DTD1: variants seen among roughly 807,000 people sequenced by gnomAD.
The protein encoded by DTD1 is D-aminoacyl-tRNA deacylase 1, also known as D-tyrosyl-tRNA deacylase 1 homolog.
DTD1 carries 13 observed loss-of-function variants against 25.6 expected under a neutral mutation model. That is an observed-to-expected ratio of 0.51 (90% CI 0.33 to 0.81). DTD1 has a LOEUF of 0.81. Among genes scored for constraint, DTD1 ranks in the 30% least tolerant of loss-of-function variants. The pLI is 0.02. For synonymous variants in DTD1, 110 were observed against 103.6 expected, an observed-to-expected ratio of 1.06 and a Z score of -0.37; for missense variants, 193 against 266.4, an observed-to-expected ratio of 0.72 and a Z score of 1.92.
At chr20:18,640,107 G>A (rs1251961923) in intron 4 of DTD1, among the ~76,000 whole-genome samples, 1 of 146,204 alleles carries the variant, frequency 6.8e-6, no homozygotes, top group Non-Finnish European at 1.5e-5. Context: ...ATTTTCTCTT[G>A]GGAAGAGTCT....
intron 4 of DTD1, among the ~76,000 whole-genome samples, chr20:18,712,641 A>G (rs1423365229): frequency 2.0e-5 from 3 of 152,184 alleles, no homozygotes; most frequent in South Asian, 2.1e-4. Flanking sequence ...AGGCTTTTCA[A>G]TAAAGTAGCA....
intron 4 of DTD1, among the ~76,000 whole-genome samples, chr20:18,634,168 A>G (rs1035920692): frequency 2.6e-5 from 4 of 152,178 alleles, no homozygotes; most frequent in Admixed American, 2.6e-4. Flanking sequence ...GTGGCTAGAT[A>G]TTGGGAGATT....
At chr20:18,722,474 T>C (rs1298376366) in intron 4 of DTD1, among the ~76,000 whole-genome samples, 2 of 152,270 alleles carry the variant, frequency 1.3e-5, no homozygotes, top group East Asian at 3.8e-4. Flanking sequence ...TGTTCACATT[T>C]ATTAAGATAC....
rs34962546 is a variant in DTD1 at position 18,692,890 on chromosome 20, A to ATTTTT, written c.478-51193_478-51189dup. On this transcript the variant is annotated intron_variant, in intron 4 of 5. Coordinates refer to ENST00000377452, the MANE Select transcript of DTD1 (RefSeq NM_080820.6). ...GACATTTTCTAGAAACAGGACATGG[A>ATTTTT]TTTTTTTTTTTTTTTTTTTTTGAGA... Among the ~76,000 whole-genome samples the ATTTTT allele has an allele frequency of 4.4e-4, 50 of 112,454 alleles. 3 individuals carry two copies. Among genetic ancestry groups the ATTTTT allele is most frequent in the African/African-American group, 1.0e-3 (29 of 27,756 alleles). The allele number at this position is 112,454 out of a possible 152,430, so 73.8% of individuals were successfully genotyped here. A position where few individuals can be genotyped will look rare whatever the true frequency, so the allele number is the denominator to read the frequency against.
At chr20:18,628,099 T>A (rs375449236) in intron 3 of DTD1, 28 bp from the exon 4 acceptor site, 78 of 1,595,896 alleles carry the variant, frequency 4.9e-5, no homozygotes, top group Non-Finnish European at 6.2e-5. Flanking sequence ...GTCTCCATCT[T>A]TGGTAACTGT....
rs1568676532 is a variant in DTD1 at position 18,708,206 on chromosome 20, TTTTATATATATAATA to T, written c.478-35892_478-35878del. 9.6e-5 allele frequency among the ~76,000 whole-genome samples: 4 copies of T among 41,848 alleles called. 1 individual carries two copies. The highest frequency in any genetic ancestry group is 1.6e-4 in the Non-Finnish European group (4 of 24,294). The allele number at this position is 41,848 out of a possible 152,430, so 27.5% of individuals were successfully genotyped here. A position where few individuals can be genotyped will look rare whatever the true frequency, so the allele number is the denominator to read the frequency against. ...ATTTTATATATATATTATATATATA[TTTTATATATATAATA>T]TATATATATTTTATATATATATAAT... is the stretch of plus-strand genomic sequence containing the variant. On this transcript the variant is annotated intron_variant, in intron 4 of 5. Transcript: ENST00000377452.
At chr20:18,724,679 T>C (rs1436970928) in intron 4 of DTD1, among the ~76,000 whole-genome samples, 1 of 152,244 alleles carries the variant, frequency 6.6e-6, no homozygotes, top group Admixed American at 6.5e-5. Flanking sequence ...GAATCTGTAG[T>C]GGGCACTAAA....
intron 4 of DTD1, among the ~76,000 whole-genome samples, chr20:18,667,132 C>A (rs1233150856): frequency 6.6e-6 from 1 of 152,100 alleles, no homozygotes; most frequent in Non-Finnish European, 1.5e-5. Context: ...GTGGGGATGC[C>A]AAAGGGATCT....
chr20:18,596,333 G>T (rs2060611539), intron 3 of DTD1, 92 bp downstream of exon 3: 1 of 1,083,180 alleles, frequency 9.2e-7, no homozygotes, highest in Admixed American at 2.4e-5. Flanking sequence ...CTCCTTTTCT[G>T]GAAAGTCATT....
chr20:18,649,877 C>T (rs900088577), intron 4 of DTD1, among the ~76,000 whole-genome samples: 3 of 152,142 alleles, frequency 2.0e-5, no homozygotes, highest in Admixed American at 6.5e-5. Flanking sequence ...CATGCTCATG[C>T]GCCACAGTCC....
intron 4 of DTD1, among the ~76,000 whole-genome samples, chr20:18,717,055 G>T (rs560292923): frequency 6.6e-6 from 1 of 152,314 alleles, no homozygotes; most frequent in African/African-American, 2.4e-5. Flanking sequence ...AGCACCTCCA[G>T]TGTCATTAGT....
chr20:18,593,579 G>A, intron 1 of DTD1, 152 bp from the exon 2 acceptor site: 1 of 601,348 alleles, frequency 1.7e-6, no homozygotes, highest in Non-Finnish European at 3.1e-6. Flanking sequence ...CTGCATTTAT[G>A]TAACTCTTTT....
chr20:18,748,791 T>G (rs768715613), intron 5 of DTD1, among the ~76,000 whole-genome samples: 3 of 152,220 alleles, frequency 2.0e-5, no homozygotes, highest in Non-Finnish European at 4.4e-5. Context: ...AATGTATTTA[T>G]TTCCTTCTCA....
chr20:18,607,084 A>G (rs917030696), intron 3 of DTD1, among the ~76,000 whole-genome samples: 1 of 152,336 alleles, frequency 6.6e-6, no homozygotes, highest in Non-Finnish European at 1.5e-5. Flanking sequence ...CCAGCTTTGC[A>G]TACCTGGGAT....
chr20:18,611,687 C>T (rs1389640883), intron 3 of DTD1, among the ~76,000 whole-genome samples: 1 of 152,164 alleles, frequency 6.6e-6, no homozygotes, highest in African/African-American at 2.4e-5. Flanking sequence ...CACATGGTCC[C>T]TGCTGTGATG....
intron 4 of DTD1, among the ~76,000 whole-genome samples, chr20:18,693,649 TCC>T (rs11479896): frequency 6.6e-6 from 1 of 150,402 alleles, no homozygotes; most frequent in Non-Finnish European, 1.5e-5. Context: ...AGAGCGAGAC[TCC>T]CATCTAAAAA....
At chr20:18,635,349 C>T (rs1401453660) in intron 4 of DTD1, among the ~76,000 whole-genome samples, 3 of 152,226 alleles carry the variant, frequency 2.0e-5, no homozygotes, top group Non-Finnish European at 4.4e-5. Context: ...TTGTCAGTGA[C>T]GCTGACTTCT....
chr20:18,601,608 C>A (rs1036950490), intron 3 of DTD1, among the ~76,000 whole-genome samples: 7 of 151,822 alleles, frequency 4.6e-5, no homozygotes, highest in African/African-American at 1.5e-4. Context: ...TCAAGTGGGT[C>A]CCTGACCCCT....
intron 4 of DTD1, among the ~76,000 whole-genome samples, chr20:18,715,547 A>T (rs1325128954): frequency 6.6e-6 from 1 of 152,208 alleles, no homozygotes; most frequent in Non-Finnish European, 1.5e-5. Context: ...GAGAAACATC[A>T]GAAGAGGAGG....
Sources: allele counts gnomAD v4.1 joint callset (sites outside exome capture counted in the v4.1 genomes callset), GRCh38; gene constraint gnomAD v4.1.1; transcripts MANE v1.5; gene names NCBI Gene and HGNC (gene_info 2026-07-23, HGNC 2026-07-21).